Variants in SLC45A2 observed in about 807,000 individuals in gnomAD.
SLC45A2 encodes membrane-associated transporter protein.
In SLC45A2, 36 loss-of-function variants were observed where a neutral mutation model predicts 45.5. The observed-to-expected ratio is 0.79, with a 90% CI of 0.61 to 1.04. The LOEUF (loss-of-function observed/expected upper bound fraction) is 1.04, where lower values mean the gene tolerates loss of function less well. Among genes scored for constraint, SLC45A2 ranks in the 50% least tolerant of loss-of-function variants. SLC45A2 has a pLI of 0.00. For missense variants in SLC45A2, 719 were observed against 671.0 expected, an observed-to-expected ratio of 1.07 and a Z score of -0.79; for synonymous variants, 306 against 269.3, an observed-to-expected ratio of 1.14 and a Z score of -1.33.
At position 33,960,303 on chromosome 5, in the gene SLC45A2, GT is replaced by G. The variant is rs536791686; in HGVS notation, c.888+3387del. Among the ~76,000 whole-genome samples, 3 of 150,620 alleles carry G rather than the reference GT, an allele frequency of 2.0e-5. No homozygotes were observed. In the East Asian group the frequency reaches 5.9e-4, roughly 29 times the overall value. ...CATATATATATATATATATATCATAGTTTTTTTATTCACTTGTTGATTGATG... is the reference window on the plus strand; with the variant it reads ...CATATATATATATATATATATCATAGTTTTTTATTCACTTGTTGATTGATG... On this transcript the variant is annotated intron_variant, in intron 3 of 6. Coordinates refer to ENST00000296589, the MANE Select transcript of SLC45A2 (RefSeq NM_016180.5).
intron 2 of SLC45A2, 32 bp downstream of exon 2, chr5:33,982,204 C>A (rs1346358420): frequency 6.2e-7 from 1 of 1,612,890 alleles, no homozygotes; most frequent in Middle Eastern, 1.8e-4. Context: ...GTCTGGGGAG[C>A]TGAAGGAGAG....
At chr5:33,950,848 C>T (rs1752076689) in intron 5 of SLC45A2, among the ~76,000 whole-genome samples, 1 of 152,198 alleles carries the variant, frequency 6.6e-6, no homozygotes, top group Non-Finnish European at 1.5e-5. Flanking sequence ...TCAGGCCAGA[C>T]GTTTCACTTA....
intron 2 of SLC45A2, among the ~76,000 whole-genome samples, chr5:33,980,329 T>A (rs1753039055): frequency 6.6e-6 from 1 of 151,858 alleles, no homozygotes; most frequent in South Asian, 2.1e-4. Context: ...ACTGCCATCA[T>A]GGCCAGTTTC....
chr5:33,984,657 A>G lies in SLC45A2; in HGVS notation c.-74T>C. On this transcript the variant is annotated 5_prime_UTR_variant, in exon 1 of 7. Coordinates refer to ENST00000296589, the MANE Select transcript of SLC45A2 (RefSeq NM_016180.5). Reference sequence around the variant, plus strand: ...TCCTAGGGTCTGTGTTTCAAACTGGATTTGACGTGGAGCCTGGCCGAGCAA... The same window carrying G: ...TCCTAGGGTCTGTGTTTCAAACTGGGTTTGACGTGGAGCCTGGCCGAGCAA... The G allele has an allele frequency of 1.3e-6, 2 of 1,592,658 alleles. No homozygotes were observed. The highest frequency in any genetic ancestry group is 1.7e-6 in the Non-Finnish European group (2 of 1,174,900).
chr5:33,945,170 C>A (rs1751884146), intron 6 of SLC45A2, among the ~76,000 whole-genome samples: 1 of 152,142 alleles, frequency 6.6e-6, no homozygotes, highest in Non-Finnish European at 1.5e-5. Flanking sequence ...CATTTGATTT[C>A]ATGTAATTTT....
intron 3 of SLC45A2, among the ~76,000 whole-genome samples, chr5:33,958,935 G>A (rs1561361479): frequency 6.6e-6 from 1 of 152,144 alleles, no homozygotes; most frequent in Non-Finnish European, 1.5e-5. Flanking sequence ...CATCAAAGAG[G>A]TAGATAATCT....
rs1381572550 is a variant in SLC45A2 at position 33,984,287 on chromosome 5, C to G, written c.297G>C (p.Trp99Cys). The G allele has an allele frequency of 6.2e-7, 1 of 1,614,174 alleles. No homozygotes were observed. The highest frequency in any genetic ancestry group is 8.5e-7 in the Non-Finnish European group (1 of 1,180,040). Residue 99 changes from tryptophan (W) to cysteine (C), a missense_variant, in exon 1 of 7, where the codon TGG (tryptophan) becomes TGC (cysteine). Trp to Cys is a radical substitution (Grantham distance 215). Transcript: ENST00000296589. The part of the protein sequence containing the change: ...GSASDHCRSR[W>C]GRRRPYILTL... ...TGAGGATGTAGGGTCTCCGGCGGCC[C>G]CACCTGGACCGGCAGTGGTCGCTGG...
At chr5:33,955,686 T>C (rs1752253655) in intron 3 of SLC45A2, among the ~76,000 whole-genome samples, 1 of 152,026 alleles carries the variant, frequency 6.6e-6, no homozygotes, top group South Asian at 2.1e-4. Context: ...CGGTCTTCAA[T>C]ATGTTAATGG....
intron 2 of SLC45A2, among the ~76,000 whole-genome samples, chr5:33,971,657 T>A (rs1752781054): frequency 6.6e-6 from 1 of 152,162 alleles, no homozygotes; most frequent in Non-Finnish European, 1.5e-5. Flanking sequence ...AGACGGAGTC[T>A]CATCTGTTGC....
At position 33,982,267 on chromosome 5, in the gene SLC45A2, C is replaced by A; in HGVS notation, c.531G>T (p.Glu177Asp). The change falls in exon 2 of 7, where the codon GAG becomes GAT. Residue 177 changes from glutamate to aspartate, a missense_variant. By Grantham distance (45) the Glu-to-Asp change is conservative. Transcript: ENST00000296589. Reference sequence around the variant, plus strand: ...AGAGGGCATGGTAGTGGAGGCCCTTCTCCTTGTCCTGATGGGAGCAGACAT... The same window carrying A: ...AGAGGGCATGGTAGTGGAGGCCCTTATCCTTGTCCTGATGGGAGCAGACAT... ...LFDVCSHQDKEKGLHYHALFT... is the reference protein window; with the variant it reads ...LFDVCSHQDKDKGLHYHALFT... The A allele has an allele frequency of 6.2e-7, 1 of 1,613,984 alleles. No homozygotes were observed. Among genetic ancestry groups the A allele is most frequent in the Non-Finnish European group, 8.5e-7 (1 of 1,179,894 alleles).
intron 2 of SLC45A2, among the ~76,000 whole-genome samples, chr5:33,968,319 T>C (rs556328728): frequency 2.0e-4 from 30 of 152,300 alleles, no homozygotes; most frequent in Non-Finnish European, 1.3e-4. Context: ...CTCCCACACC[T>C]ACATCCAGAC....
intron 3 of SLC45A2, 148 bp downstream of exon 3, chr5:33,963,543 G>T (rs1429372794): frequency 1.2e-6 from 1 of 862,626 alleles, no homozygotes; most frequent in African/African-American, 1.7e-5. Context: ...TAATTCCAAG[G>T]GATGATAGCT....
At chr5:33,976,081 A>G (rs1410669154) in intron 2 of SLC45A2, among the ~76,000 whole-genome samples, 2 of 152,236 alleles carry the variant, frequency 1.3e-5, no homozygotes, top group African/African-American at 4.8e-5. Context: ...TTTTTGTTAC[A>G]TAAGAAAAAT....
Position 33,951,349 on chromosome 5 carries a change from C to T in SLC45A2, c.1156+205G>A. On this transcript the variant is annotated intron_variant, in intron 5 of 6. Transcript: ENST00000296589. ...CCACTGATTCCAAGAGCAAAGTAAT[C>T]AGTGAGGAAATGACACCTAGAATTC... is the stretch of plus-strand genomic sequence containing the variant. The T allele has an allele frequency of 2.9e-6, 4 of 1,367,398 alleles. No homozygotes were observed. In the South Asian group the frequency reaches 5.9e-5, roughly 20 times the overall value. 84.7% of individuals were successfully genotyped at this position (1,367,398 alleles called of 1,614,324 possible). A position where few individuals can be genotyped will look rare whatever the true frequency, so the allele number is the denominator to read the frequency against.
chr5:33,963,743 A>T lies in SLC45A2; in HGVS notation c.836T>A (p.Val279Glu). The T allele has an allele frequency of 6.2e-7, 1 of 1,614,168 alleles. No homozygotes were observed. The highest frequency in any genetic ancestry group is 8.5e-7 in the Non-Finnish European group (1 of 1,180,030). The change falls in exon 3 of 7, where the codon GTA becomes GAA. Residue 279 changes from valine to glutamate, a missense_variant. Physicochemically the swap from Val to Glu is moderately radical, Grantham distance 121. Coordinates refer to ENST00000296589, the MANE Select transcript of SLC45A2 (RefSeq NM_016180.5). ...GSIEKVKNGY[V>E]NPELAMQGAK... is the part of the protein sequence containing the mutation. ...TCCCTGCATTGCCAGCTCTGGATTTACGTAACCATTTTTAACTTTCTCGAT... is the reference window on the plus strand; with the variant it reads ...TCCCTGCATTGCCAGCTCTGGATTTTCGTAACCATTTTTAACTTTCTCGAT...
At chr5:33,967,843 A>T (rs1355253651) in intron 2 of SLC45A2, among the ~76,000 whole-genome samples, 1 of 150,518 alleles carries the variant, frequency 6.6e-6, no homozygotes, top group East Asian at 2.0e-4. Flanking sequence ...TCCTGCAAGA[A>T]CCTGGGGGAA....
intron 2 of SLC45A2, chr5:33,972,318 C>T (rs1003079951): frequency 1.3e-5 from 5 of 398,272 alleles, no homozygotes; most frequent in African/African-American, 8.4e-5. Context: ...TACACGGGAT[C>T]TTGCTTTGCT....
At chr5:33,968,590 C>T (rs1752676724) in intron 2 of SLC45A2, among the ~76,000 whole-genome samples, 1 of 152,154 alleles carries the variant, frequency 6.6e-6, no homozygotes. Context: ...TGAACAGTGG[C>T]CCATACTGGA....
At chr5:33,952,151 G>A (rs567343549) in intron 4 of SLC45A2, among the ~76,000 whole-genome samples, 1 of 152,238 alleles carries the variant, frequency 6.6e-6, no homozygotes, top group Non-Finnish European at 1.5e-5. Context: ...TTAAGAGACA[G>A]GGTCTTGGTC....
Sources: gnomAD v4.1 joint callset for allele counts (sites outside exome capture counted in the v4.1 genomes callset) on GRCh38, gnomAD v4.1.1 for gene constraint, MANE v1.5 for transcripts, NCBI Gene and HGNC (gene_info 2026-07-23, HGNC 2026-07-21) for gene names.